MGST2: variants seen among roughly 807,000 people sequenced by gnomAD.
MGST2 encodes the protein microsomal glutathione S-transferase 2.
Under a neutral mutation model 16.6 loss-of-function variants are expected in MGST2, and 9 were observed. The ratio of observed to expected loss-of-function variants is 0.54; its 90% confidence interval spans 0.33 to 0.95. MGST2 has a LOEUF of 0.95. Ranked by LOEUF, MGST2 falls within the 40% of genes least tolerant of loss-of-function variation. The probability of loss-of-function intolerance (pLI) is 0.03; values close to 1 mark genes in which losing one functional copy is unlikely to be tolerated. For missense variants in MGST2, 159 were observed against 175.1 expected (o/e 0.91, Z 0.52); for synonymous variants, 79 against 68.0 (o/e 1.16, Z -0.79).
chr4:139,707,213 C>A (rs576565290), downstream of MGST2, among the ~76,000 whole-genome samples: 3 of 152,064 alleles, frequency 2.0e-5, no homozygotes, highest in Non-Finnish European at 4.4e-5. Context: ...CTCCCCACCC[C>A]ACAACAGTCC....
chr4:139,698,333 T>C, intron 3 of MGST2: 1 of 1,570,844 alleles, frequency 6.4e-7, no homozygotes. Context: ...CCTGAGCAAT[T>C]TCTCGCACCA....
chr4:139,713,811 A>T (rs1261654842), intron 5 of MGST2, among the ~76,000 whole-genome samples: 1 of 152,220 alleles, frequency 6.6e-6, no homozygotes, highest in Non-Finnish European at 1.5e-5. Context: ...GGTCATGCAG[A>T]TATGAAACCA....
chr4:139,723,434 C>T (rs1461933784), intron 5 of MGST2, among the ~76,000 whole-genome samples: 5 of 152,192 alleles, frequency 3.3e-5, no homozygotes, highest in African/African-American at 7.2e-5. Context: ...CCCCAGCCTC[C>T]GGAGTAGCTG....
chr4:139,681,911 C>A (rs527386674), intron 2 of MGST2, among the ~76,000 whole-genome samples: 2 of 152,228 alleles, frequency 1.3e-5, no homozygotes, highest in South Asian at 2.1e-4. Flanking sequence ...ATAATATAAG[C>A]TGGGCATAGT....
At chr4:139,701,461 GC>G (rs1207880864) in intron 3 of MGST2, among the ~76,000 whole-genome samples, 1 of 151,970 alleles carries the variant, frequency 6.6e-6, no homozygotes, top group Non-Finnish European at 1.5e-5. Flanking sequence ...CCCTCCAGAG[GC>G]CTTCCTATAC....
intron 5 of MGST2, chr4:139,720,095 A>G (rs761002812): frequency 6.2e-7 from 1 of 1,614,062 alleles, no homozygotes; most frequent in Non-Finnish European, 8.5e-7. Flanking sequence ...TGGATGCTGC[A>G]ACATTTGGGT....
At chr4:139,741,876 A>C (rs1729176797), downstream of MGST2, among the ~76,000 whole-genome samples, 2 of 152,200 alleles carry the variant, frequency 1.3e-5, no homozygotes, top group African/African-American at 4.8e-5. Context: ...AAATAAAAAC[A>C]TTGCATTTTT....
chr4:139,712,415 C>T (rs1194858799), intron 5 of MGST2, among the ~76,000 whole-genome samples: 1 of 152,228 alleles, frequency 6.6e-6, no homozygotes, highest in Non-Finnish European at 1.5e-5. Flanking sequence ...ATAGTTCTCG[C>T]TCCAGTTTCC....
At chr4:139,682,069 A>G (rs1186478307) in intron 2 of MGST2, among the ~76,000 whole-genome samples, 1 of 151,982 alleles carries the variant, frequency 6.6e-6, no homozygotes, top group Non-Finnish European at 1.5e-5. Flanking sequence ...GTGGGTACAT[A>G]CCTGCAGTCC....
chr4:139,674,800 A>G (rs1730881186), intron 1 of MGST2, among the ~76,000 whole-genome samples: 1 of 152,180 alleles, frequency 6.6e-6, no homozygotes, highest in African/African-American at 2.4e-5. Flanking sequence ...CAAAATCTTT[A>G]TAGCTATCTT....
chr4:139,733,303 T>C (rs1728796897), intron 5 of MGST2, among the ~76,000 whole-genome samples: 1 of 152,186 alleles, frequency 6.6e-6, no homozygotes. Flanking sequence ...AGATAAAGTT[T>C]TCTTCAGCTT....
chr4:139,710,045 AAGAGGT>A (rs1437745429), intron 5 of MGST2, among the ~76,000 whole-genome samples: 10 of 152,370 alleles, frequency 6.6e-5, no homozygotes, highest in African/African-American at 2.4e-4. Context: ...TGGTTACCCA[AAGAGGT>A]AGCTCTGTTC....
At chr4:139,669,618 C>G (rs1436919409) in intron 1 of MGST2, among the ~76,000 whole-genome samples, 5 of 152,180 alleles carry the variant, frequency 3.3e-5, no homozygotes, top group African/African-American at 1.2e-4. Context: ...GAGGTAGAGA[C>G]AGGGTGAAGG....
intron 2 of MGST2, among the ~76,000 whole-genome samples, chr4:139,693,698 T>G (rs1464039208): frequency 6.6e-6 from 1 of 152,218 alleles, no homozygotes; most frequent in Non-Finnish European, 1.5e-5. Flanking sequence ...CTTTGGTTAC[T>G]TCTGTGAGTT....
intron 5 of MGST2, chr4:139,725,776 T>G (rs1208612542): frequency 4.3e-6 from 7 of 1,613,990 alleles, no homozygotes; most frequent in South Asian, 1.1e-5. Context: ...CCTGCTGCAC[T>G]GGGTATGGAT....
chr4:139,674,583 C>T (rs1488891845), intron 1 of MGST2, among the ~76,000 whole-genome samples: 1 of 151,788 alleles, frequency 6.6e-6, no homozygotes, highest in East Asian at 1.9e-4. Flanking sequence ...AGTTCAAGAC[C>T]AGCCTGGCCA....
At chr4:139,710,894 G>A (rs950707371) in intron 5 of MGST2, among the ~76,000 whole-genome samples, 10 of 151,986 alleles carry the variant, frequency 6.6e-5, no homozygotes, top group Non-Finnish European at 1.3e-4. Context: ...GTGGAGAGGT[G>A]GATTCACATC....
intron 3 of MGST2, chr4:139,698,498 C>A: frequency 8.5e-7 from 1 of 1,180,118 alleles, no homozygotes; most frequent in South Asian, 1.2e-5. Flanking sequence ...TAGCCAGTTG[C>A]TTCCTGGGTG....
chr4:139,752,748 T>G, the MGST2 span, among the ~76,000 whole-genome samples: 1 of 152,096 alleles, frequency 6.6e-6, no homozygotes, highest in Non-Finnish European at 1.5e-5. Context: ...CACTAACACC[T>G]AAATGATTTT....
Sources: gnomAD v4.1 joint callset for allele counts (sites outside exome capture counted in the v4.1 genomes callset) on GRCh38, gnomAD v4.1.1 for gene constraint, MANE v1.5 for transcripts, NCBI Gene and HGNC (gene_info 2026-07-23, HGNC 2026-07-21) for gene names.